LTBP1: variants seen among roughly 807,000 people sequenced by gnomAD.
The protein encoded by LTBP1 is latent-transforming growth factor beta-binding protein 1.
A neutral mutation model predicts 207.6 loss-of-function variants in LTBP1; 129 were observed. That is an observed-to-expected ratio of 0.62 (90% CI 0.54 to 0.72). The LOEUF is 0.72. Ranked by LOEUF, LTBP1 falls within the 30% of genes least tolerant of loss-of-function variation. LTBP1 has a pLI of 0.00. For missense variants in LTBP1, 2,281 were observed against 2,217.2 expected (o/e 1.03, Z -0.58); for synonymous variants, 963 against 833.7 (o/e 1.16, Z -2.67).
At chr2:33,177,751 A>G (rs148288001) in intron 5 of LTBP1, among the ~76,000 whole-genome samples, 1 of 152,366 alleles carries the variant, frequency 6.6e-6, no homozygotes, top group African/African-American at 2.4e-5. Flanking sequence ...CCAATGGAAT[A>G]TTATATAGCT....
At chr2:33,261,049 G>A (rs1027450757) in intron 13 of LTBP1, among the ~76,000 whole-genome samples, 1 of 152,186 alleles carries the variant, frequency 6.6e-6, no homozygotes, top group Non-Finnish European at 1.5e-5. Flanking sequence ...CCAGAGATGT[G>A]CAAAGGTGTG....
intron 3 of LTBP1, among the ~76,000 whole-genome samples, chr2:33,106,603 G>T (rs1369849546): frequency 1.3e-5 from 2 of 151,968 alleles, no homozygotes; most frequent in Non-Finnish European, 2.9e-5. Context: ...ATTTTGAAAG[G>T]AAATCTTTTT....
At chr2:33,295,626 A>T (rs2093859800) in intron 20 of LTBP1, among the ~76,000 whole-genome samples, 1 of 152,116 alleles carries the variant, frequency 6.6e-6, no homozygotes, top group Admixed American at 6.6e-5. Flanking sequence ...AGGCTTCCCT[A>T]ATTTTCCTTT....
intron 20 of LTBP1, 43 bp downstream of exon 20, chr2:33,293,325 T>A: frequency 1.3e-6 from 2 of 1,570,980 alleles, no homozygotes; most frequent in Admixed American, 2.0e-5. Flanking sequence ...TTAAACTTCA[T>A]TTAAATATAG....
intron 32 of LTBP1, among the ~76,000 whole-genome samples, chr2:33,394,810 A>G (rs1476757602): frequency 1.3e-5 from 2 of 152,070 alleles, no homozygotes; most frequent in East Asian, 3.8e-4. Flanking sequence ...TTCCATATGA[A>G]CTTTAAAGTA....
intron 9 of LTBP1, among the ~76,000 whole-genome samples, chr2:33,226,177 AC>A (rs1219258703): frequency 7.2e-5 from 11 of 152,198 alleles, no homozygotes; most frequent in African/African-American, 2.4e-4. Flanking sequence ...ATTGCCTGCT[AC>A]GATTATGGAA....
intron 7 of LTBP1, among the ~76,000 whole-genome samples, chr2:33,197,728 A>G (rs1425828595): frequency 1.3e-5 from 2 of 152,164 alleles, no homozygotes; most frequent in African/African-American, 4.8e-5. Flanking sequence ...GATGGTATGA[A>G]AAGGCCTTCT....
chr2:33,093,908 CT>C (rs1485365422), intron 3 of LTBP1, among the ~76,000 whole-genome samples: 2 of 151,996 alleles, frequency 1.3e-5, no homozygotes, highest in Admixed American at 1.3e-4. Context: ...ATAACTAGTT[CT>C]TTTTATTTTC....
chr2:33,387,738 T>TG (rs1335269762), intron 31 of LTBP1, among the ~76,000 whole-genome samples: 4 of 150,882 alleles, frequency 2.7e-5, no homozygotes, highest in African/African-American at 7.3e-5. Flanking sequence ...TTGGTGGGGT[T>TG]TTTTTTTTTT....
chr2:33,134,708 C>G lies in LTBP1; in HGVS notation c.1034-85C>G. ...TCTTGCTCCTTTCTTTTCTTTTTTT[C>G]TGTTTTTTTAAACCTTCCAAGGCAA... On this transcript the variant is annotated intron_variant, in intron 4 of 33. Coordinates refer to ENST00000404816, the MANE Select transcript of LTBP1 (RefSeq NM_206943.4). The surrounding 1 kb of genome is among the most constrained non-coding windows in gnomAD (Gnocchi z 4.4). 1 of 1,604,102 alleles carries G rather than the reference C, an allele frequency of 6.2e-7. No homozygotes were observed. Among genetic ancestry groups the G allele is most frequent in the Non-Finnish European group, 8.5e-7 (1 of 1,177,068 alleles).
chr2:33,256,736 A>ATATATATATATATC (rs2092867290), intron 11 of LTBP1, among the ~76,000 whole-genome samples: 3 of 17,674 alleles, frequency 1.7e-4, no homozygotes, highest in Admixed American at 1.4e-3. Context: ...ATATATATAT[A>ATATATATATATATC]TATATATATA....
chr2:33,399,467 A>G lies in LTBP1; in HGVS notation c.*922A>G, dbSNP rs2095386847. On this transcript the variant is annotated 3_prime_UTR_variant, in exon 34 of 34. Coordinates refer to ENST00000404816, the MANE Select transcript of LTBP1 (RefSeq NM_206943.4). ...GTCTTCTGTTAATGTAGTGTCTTTTACAAGTTAATCATTAAATTTGTTAGA... is the reference window on the plus strand; with the variant it reads ...GTCTTCTGTTAATGTAGTGTCTTTTGCAAGTTAATCATTAAATTTGTTAGA... 6.6e-6 allele frequency: 1 copy of G among 152,204 alleles called. No individual in the cohort carries two copies. The highest frequency in any genetic ancestry group is 1.5e-5 in the Non-Finnish European group (1 of 68,046). 9.4% of individuals were successfully genotyped at this position (152,204 alleles called of 1,614,324 possible). A position where few individuals can be genotyped will look rare whatever the true frequency, so the allele number is the denominator to read the frequency against.
chr2:32,995,649 C>T (rs961495388), intron 2 of LTBP1, among the ~76,000 whole-genome samples: 8 of 152,180 alleles, frequency 5.3e-5, no homozygotes, highest in Middle Eastern at 6.8e-3. Context: ...ATTAGCCGGG[C>T]GTGGTGGCGG....
chr2:33,236,830 G>A (rs1044315770), intron 9 of LTBP1, among the ~76,000 whole-genome samples: 2 of 152,174 alleles, frequency 1.3e-5, no homozygotes, highest in Admixed American at 1.3e-4. Flanking sequence ...TAGCAGCGTC[G>A]TCCATGTGTA....
chr2:33,309,004 C>T (rs1431131412), intron 22 of LTBP1, among the ~76,000 whole-genome samples: 1 of 151,978 alleles, frequency 6.6e-6, no homozygotes, highest in Non-Finnish European at 1.5e-5. Context: ...ATTTCTTGGC[C>T]AGGTGTGGTG....
intron 7 of LTBP1, among the ~76,000 whole-genome samples, chr2:33,211,305 C>T (rs1000225719): frequency 1.3e-5 from 2 of 152,158 alleles, no homozygotes; most frequent in African/African-American, 2.4e-5. Flanking sequence ...TTTACCCACA[C>T]CAGGCACCAG....
chr2:32,999,399 A>T (rs376590916), intron 2 of LTBP1, among the ~76,000 whole-genome samples: 1 of 79,444 alleles, frequency 1.3e-5, no homozygotes, highest in African/African-American at 3.7e-5. Flanking sequence ...AGGCCTAGAC[A>T]TGGTGTGTGG....
At chr2:33,280,393 C>T (rs969765183) in intron 19 of LTBP1, among the ~76,000 whole-genome samples, 1 of 151,946 alleles carries the variant, frequency 6.6e-6, no homozygotes, top group Non-Finnish European at 1.5e-5. Flanking sequence ...AACTGATATT[C>T]CTAATGAGAT....
intron 3 of LTBP1, among the ~76,000 whole-genome samples, chr2:33,092,975 C>T (rs1217505165): frequency 6.6e-6 from 1 of 152,166 alleles, no homozygotes; most frequent in Non-Finnish European, 1.5e-5. Context: ...GGGAATGTTT[C>T]AGTCACTTAT....
Sources: gnomAD v4.1 joint callset for allele counts (sites outside exome capture counted in the v4.1 genomes callset) on GRCh38, gnomAD v4.1.1 for gene constraint, Gnocchi (gnomAD v3.1) non-coding constraint, MANE v1.5 for transcripts, NCBI Gene and HGNC (gene_info 2026-07-23, HGNC 2026-07-21) for gene names.